The following COG2 variants were observed in gnomAD, a reference collection of about 807,000 sequenced individuals.
COG2 encodes the protein component of oligomeric golgi complex 2.
A neutral mutation model predicts 90.6 loss-of-function variants in COG2; 52 were observed. The observed-to-expected ratio is 0.57, with a 90% CI of 0.46 to 0.72. The LOEUF (loss-of-function observed/expected upper bound fraction) is 0.72. COG2 is among the 30% of genes least tolerant of loss of function. COG2 has a pLI of 0.00. For missense variants in COG2, 829 were observed against 891.2 expected (o/e 0.93, Z 0.89); for synonymous variants, 337 against 320.4 (o/e 1.05, Z -0.55).
intron 10 of COG2, 161 bp downstream of exon 10, chr1:230,679,213 T>C: frequency 1.5e-6 from 1 of 654,704 alleles, no homozygotes; most frequent in Non-Finnish European, 2.4e-6. Flanking sequence ...AGAAGTATTA[T>C]GGTTGCCAAA....
At chr1:230,691,033 C>T (rs1035537803) in intron 16 of COG2, among the ~76,000 whole-genome samples, 11 of 151,964 alleles carry the variant, frequency 7.2e-5, no homozygotes, top group African/African-American at 2.7e-4. Flanking sequence ...AGATGTCCAC[C>T]CTCGATACAT....
chr1:230,679,009 A>G lies in COG2; in HGVS notation c.1123A>G (p.Ser375Gly). Residue 375 changes from serine (S) to glycine (G), a missense_variant, in exon 10 of 18, where the codon AGC becomes GGC. Ser to Gly is a moderately conservative substitution (Grantham distance 56, BLOSUM62 0). Transcript: ENST00000366669. ...ATTAAGAGCCCATCCTGCCTATCAC[A>G]GCTTCAATAAGAAGTGGAACTTGCC... ...KRLRAHPAYH[S>G]FNKKWNLPVY... 1 of 1,613,642 alleles carries G rather than the reference A, an allele frequency of 6.2e-7. No homozygotes were observed. Among genetic ancestry groups the G allele is most frequent in the Non-Finnish European group, 8.5e-7 (1 of 1,179,584 alleles).
intron 5 of COG2, among the ~76,000 whole-genome samples, chr1:230,666,836 A>G (rs1260139949): frequency 1.3e-5 from 2 of 152,254 alleles, no homozygotes; most frequent in South Asian, 2.1e-4. Flanking sequence ...AAAGCAGGTT[A>G]TAAAACGATA....
In COG2 at chr1:230,685,057, A is replaced by G. The variant is rs1662854128; in HGVS notation, c.1229-28A>G. 2.5e-6 allele frequency: 4 copies of G among 1,612,272 alleles called. No homozygotes were observed. In the Admixed American group the frequency reaches 6.7e-5, roughly 27 times the overall value. On this transcript the variant is annotated intron_variant, in intron 11 of 17. Coordinates refer to ENST00000366669, the MANE Select transcript of COG2 (RefSeq NM_007357.3). ...CCTAAAATTGCCTGAAATTCCTTAA[A>G]TGTGTGTTGTTGTTGTTTTTTCTCT...
chr1:230,659,726 A>G (rs1662141974), intron 2 of COG2, 101 bp downstream of exon 2: 15 of 1,179,884 alleles, frequency 1.3e-5, no homozygotes, highest in African/African-American at 3.1e-5. Flanking sequence ...CTTTTAGTTG[A>G]TGTCCTCACA....
chr1:230,690,634 G>C (rs1663003762), intron 16 of COG2, among the ~76,000 whole-genome samples: 1 of 152,162 alleles, frequency 6.6e-6, no homozygotes, highest in African/African-American at 2.4e-5. Flanking sequence ...TAAAACACTT[G>C]ATTGTCTTTT....
At chr1:230,683,409 T>TAAA (rs5781595) in intron 10 of COG2, 165 bp from the exon 11 acceptor site, 8 of 384,954 alleles carry the variant, frequency 2.1e-5, no homozygotes, top group Admixed American at 8.8e-5. Flanking sequence ...CTTGTTCAGT[T>TAAA]AAAAAAAAAA....
intron 1 of COG2, among the ~76,000 whole-genome samples, chr1:230,655,071 A>G (rs1245138695): frequency 6.6e-6 from 1 of 152,152 alleles, no homozygotes; most frequent in Non-Finnish European, 1.5e-5. Context: ...CTCTCTTCCT[A>G]TTTGAATACC....
Position 230,688,725 on chromosome 1 carries a change from G to A in COG2, c.1794+163G>A, listed in dbSNP as rs552197280. On this transcript the variant is annotated intron_variant, in intron 15 of 17. Coordinates refer to ENST00000366669, the MANE Select transcript of COG2 (RefSeq NM_007357.3). ...TTGATGAAGAGAGGGAGGTTGGGCA[G>A]GGGTGGTCAGGGGCTCTGGGCCACA... Among the ~76,000 whole-genome samples the A allele has an allele frequency of 8.5e-5, 13 of 152,264 alleles. No homozygotes were observed. The South Asian group carries it at 2.7e-3, about 32-fold the overall frequency.
At position 230,693,530 on chromosome 1, in the gene COG2, C is replaced by T. The variant is rs76861835; in HGVS notation, c.*137C>T. ...TGCTTCCAGCATCACTCCAGCAACA[C>T]GCCCATGCGTCTTCTCTCAGCGTAT... On this transcript the variant is annotated 3_prime_UTR_variant, in exon 18 of 18. Coordinates refer to ENST00000366669, the MANE Select transcript of COG2 (RefSeq NM_007357.3). 1,534 of 555,502 alleles carry T rather than the reference C, an allele frequency of 2.8e-3. 19 individuals carry two copies. Among genetic ancestry groups the T allele is most frequent in the African/African-American group, 0.025 (1,331 of 52,526 alleles). 34.4% of individuals were successfully genotyped at this position (555,502 alleles called of 1,614,324 possible). A position where few individuals can be genotyped will look rare whatever the true frequency, so the allele number is the denominator to read the frequency against.
chr1:230,674,344 A>G (rs1383689859), intron 8 of COG2, among the ~76,000 whole-genome samples: 1 of 152,216 alleles, frequency 6.6e-6, no homozygotes, highest in Admixed American at 6.5e-5. Flanking sequence ...ACCAGCTCCA[A>G]AGCGCATGCT....
chr1:230,654,672 TA>T (rs1662007066), intron 1 of COG2, among the ~76,000 whole-genome samples: 1 of 152,220 alleles, frequency 6.6e-6, no homozygotes, highest in African/African-American at 2.4e-5. Flanking sequence ...ATTGAATCTG[TA>T]AATTACTTTG....
chr1:230,681,314 T>C (rs1662742224), intron 10 of COG2: 1 of 152,220 alleles, frequency 6.6e-6, no homozygotes, highest in Admixed American at 6.5e-5. Context: ...TTGAAATCTT[T>C]ATAGTACATT....
At chr1:230,650,362 A>G (rs572364229) in intron 1 of COG2, among the ~76,000 whole-genome samples, 1 of 151,908 alleles carries the variant, frequency 6.6e-6, no homozygotes, top group South Asian at 2.1e-4. Flanking sequence ...TCTCACATCC[A>G]GTGTTGTTTT....
intron 1 of COG2, among the ~76,000 whole-genome samples, chr1:230,645,596 G>T (rs1661750385): frequency 6.6e-6 from 1 of 152,162 alleles, no homozygotes; most frequent in African/African-American, 2.4e-5. Context: ...GACCAGGAGT[G>T]CAGGGGATGG....
chr1:230,657,884 C>T (rs113965078), intron 1 of COG2, among the ~76,000 whole-genome samples: 1 of 151,884 alleles, frequency 6.6e-6, no homozygotes, highest in Non-Finnish European at 1.5e-5. Context: ...GTGTGCTCCA[C>T]GAAGTTCTCA....
intron 5 of COG2, among the ~76,000 whole-genome samples, chr1:230,665,096 C>G (rs1305497725): frequency 6.6e-6 from 1 of 152,180 alleles, no homozygotes; most frequent in Non-Finnish European, 1.5e-5. Context: ...TGTCTTATTA[C>G]CTTCCCACAC....
intron 8 of COG2, among the ~76,000 whole-genome samples, chr1:230,673,054 GT>G (rs1393148747): frequency 6.6e-6 from 1 of 152,058 alleles, no homozygotes; most frequent in Admixed American, 6.5e-5. Flanking sequence ...TGCTACTTTT[GT>G]TTAGTAATCA....
At chr1:230,644,254 G>C (rs949235127) in intron 1 of COG2, among the ~76,000 whole-genome samples, 2 of 152,226 alleles carry the variant, frequency 1.3e-5, no homozygotes, top group Non-Finnish European at 2.9e-5. Context: ...GCTTATAAAA[G>C]TGACAACATA....
Sources: gnomAD v4.1 joint callset for allele counts (sites outside exome capture counted in the v4.1 genomes callset) on GRCh38, gnomAD v4.1.1 for gene constraint, MANE v1.5 for transcripts, NCBI Gene and HGNC (gene_info 2026-07-23, HGNC 2026-07-21) for gene names.